The following MIR2052HG variants were observed in gnomAD, a reference collection of about 807,000 sequenced individuals.
The protein encoded by MIR2052HG is MIR2052 host gene.
At chr8:74,625,942 T>C (rs2128733351) in intron 2 of MIR2052HG, among the ~76,000 whole-genome samples, 1 of 152,274 alleles carries the variant, frequency 6.6e-6, no homozygotes, top group South Asian at 2.1e-4. Context: ...CTTTAAATGG[T>C]AAATTAGCCA....
intron 2 of MIR2052HG, among the ~76,000 whole-genome samples, chr8:74,659,403 T>G: frequency 1.3e-5 from 2 of 152,332 alleles, no homozygotes; most frequent in Middle Eastern, 3.4e-3. Flanking sequence ...CTTTTCTAAT[T>G]TCTACCATGT....
At chr8:74,694,105 A>G (rs1381508493) in intron 2 of MIR2052HG, among the ~76,000 whole-genome samples, 1 of 152,200 alleles carries the variant, frequency 6.6e-6, no homozygotes, top group Admixed American at 6.5e-5. Flanking sequence ...ACAAAGTCCA[A>G]TTCACTCCTC....
chr8:74,734,341 A>G (rs1317541719), intron 4 of MIR2052HG, among the ~76,000 whole-genome samples: 2 of 152,214 alleles, frequency 1.3e-5, no homozygotes, highest in Non-Finnish European at 1.5e-5. Flanking sequence ...CACAGTTTTG[A>G]CACTATACAC....
chr8:74,662,851 G>A (rs1808879937), intron 2 of MIR2052HG, among the ~76,000 whole-genome samples: 1 of 132,200 alleles, frequency 7.6e-6, no homozygotes, highest in Admixed American at 7.3e-5. Context: ...TCCTAGAAAT[G>A]ACTCATTTGT....
chr8:74,652,559 C>T (rs1808764200), intron 2 of MIR2052HG, among the ~76,000 whole-genome samples: 1 of 152,082 alleles, frequency 6.6e-6, no homozygotes, highest in Non-Finnish European at 1.5e-5. Flanking sequence ...GACAGAGTTA[C>T]TTATTCCTTG....
chr8:74,743,060 TCAAAAAAACAAA>T (rs1328280455), intron 4 of MIR2052HG, among the ~76,000 whole-genome samples: 2 of 150,054 alleles, frequency 1.3e-5, no homozygotes, highest in African/African-American at 4.9e-5. Flanking sequence ...CTATAGAATG[TCAAAAAAACAAA>T]CAAAAAAAAC....
intron 2 of MIR2052HG, chr8:74,612,980 G>A (rs750613692): frequency 2.9e-5 from 13 of 453,766 alleles, no homozygotes; most frequent in South Asian, 2.0e-4. Flanking sequence ...TGTGTGGGAA[G>A]ACAAATATGA....
intron 1 of MIR2052HG, among the ~76,000 whole-genome samples, chr8:74,609,217 T>C (rs1179811189): frequency 6.6e-6 from 1 of 151,866 alleles, no homozygotes; most frequent in Non-Finnish European, 1.5e-5. Context: ...ACAAATACCG[T>C]GAAAGATAAA....
In MIR2052HG at chr8:74,662,858, T is replaced by TTGTGTGTGTGTG. The variant is rs68089808; in HGVS notation, n.217-39496_217-39485dup. On this transcript the variant is annotated intron_variant and non_coding_transcript_variant, in intron 2 of 6. Transcript: ENST00000523442. ...CATTTTTCTCCTAGAAATGACTCAT[T>TTGTGTGTGTGTG]TGTGTGTGTGTGTGTGTGTGTGTGT... Among the ~76,000 whole-genome samples the TTGTGTGTGTGTG allele has an allele frequency of 9.9e-3, 1,425 of 144,268 alleles. 25 individuals are homozygous for TTGTGTGTGTGTG. The highest frequency in any genetic ancestry group is 0.033 in the African/African-American group (1,317 of 39,358). 94.6% of individuals were successfully genotyped at this position (144,268 alleles called of 152,430 possible).
At chr8:74,676,557 G>A (rs1809055180) in intron 2 of MIR2052HG, among the ~76,000 whole-genome samples, 1 of 151,488 alleles carries the variant, frequency 6.6e-6, no homozygotes, top group Middle Eastern at 3.4e-3. Context: ...ATACAAGAGA[G>A]AAGAAAAAGA....
intron 2 of MIR2052HG, among the ~76,000 whole-genome samples, chr8:74,642,330 G>A (rs1052660382): frequency 3.3e-5 from 5 of 152,076 alleles, no homozygotes; most frequent in Admixed American, 2.6e-4. Context: ...AAGATTATAG[G>A]AAGCTTGCTT....
intron 2 of MIR2052HG, among the ~76,000 whole-genome samples, chr8:74,613,740 G>A (rs902536348): frequency 2.2e-4 from 33 of 152,168 alleles, no homozygotes; most frequent in Non-Finnish European, 2.5e-4. Context: ...ACCCGACTCC[G>A]CCTCCCAAAG....
chr8:74,603,727 C>T (rs1405944816), intron 1 of MIR2052HG: 2 of 883,882 alleles, frequency 2.3e-6, no homozygotes, highest in African/African-American at 1.6e-5. Flanking sequence ...GATGGTCACG[C>T]CCTTCGGGGG....
intron 1 of MIR2052HG, among the ~76,000 whole-genome samples, chr8:74,607,075 A>G (rs370559047): frequency 2.0e-5 from 3 of 151,976 alleles, no homozygotes. Context: ...TATATAGCCT[A>G]TAAGAAACCC....
At chr8:74,655,891 G>T (rs778212372) in intron 2 of MIR2052HG, among the ~76,000 whole-genome samples, 6 of 152,088 alleles carry the variant, frequency 3.9e-5, no homozygotes, top group Non-Finnish European at 7.4e-5. Context: ...GCCAGGAGGG[G>T]GCCTATACCC....
intron 2 of MIR2052HG, among the ~76,000 whole-genome samples, chr8:74,696,753 T>G (rs572093887): frequency 6.6e-6 from 1 of 151,620 alleles, no homozygotes; most frequent in Non-Finnish European, 1.5e-5. Context: ...TATACAGCCC[T>G]CCTAGATTAA....
intron 2 of MIR2052HG, among the ~76,000 whole-genome samples, chr8:74,651,735 G>C (rs752438438): frequency 2.6e-5 from 4 of 152,058 alleles, no homozygotes; most frequent in African/African-American, 9.7e-5. Context: ...TTGCTGGTAG[G>C]CATTTGTTAG....
intron 2 of MIR2052HG, among the ~76,000 whole-genome samples, chr8:74,622,460 T>C (rs1808375475): frequency 6.6e-6 from 1 of 151,796 alleles, no homozygotes; most frequent in Admixed American, 6.6e-5. Flanking sequence ...AAAAATTAGC[T>C]GAGTGTGGTG....
rs191531340 is a variant in MIR2052HG, at chr8:74,696,507, A to C, written n.217-5872A>C. On this transcript the variant is annotated intron_variant and non_coding_transcript_variant, in intron 2 of 6. Transcript: ENST00000523442. Reference sequence around the variant, plus strand: ...AAGTAAATGAAATTGAAACAAAAAAACACAAAAATTAAATTAAACAAAAGA... The same window carrying C: ...AAGTAAATGAAATTGAAACAAAAAACCACAAAAATTAAATTAAACAAAAGA... Among the ~76,000 whole-genome samples, 297 of 152,266 alleles carry C rather than the reference A, an allele frequency of 2.0e-3. No individual in the cohort carries two copies. The Middle Eastern group carries it at 0.02, about 10-fold the overall frequency.
Sources: gnomAD v4.1 joint callset for allele counts (sites outside exome capture counted in the v4.1 genomes callset) on GRCh38, gnomAD v4.1.1 for gene constraint, MANE v1.5 for transcripts, NCBI Gene and HGNC (gene_info 2026-07-23, HGNC 2026-07-21) for gene names.